Variants in BABAM2 observed in about 807,000 individuals in gnomAD.
BABAM2 encodes BRISC and BRCA1-A complex member 2.
Under a neutral mutation model 54.7 loss-of-function variants are expected in BABAM2, and 31 were observed. The observed-to-expected ratio is 0.57, with a 90% CI of 0.43 to 0.77. The LOEUF is 0.77. Ranked by LOEUF, BABAM2 falls within the 30% of genes least tolerant of loss-of-function variation. BABAM2 has a pLI of 0.00. For synonymous variants in BABAM2, 167 were observed against 162.9 expected (o/e 1.03, Z -0.19); for missense variants, 364 against 455.8 (o/e 0.80, Z 1.83).
At chr2:28,052,987 TGAA>T in intron 6 of BABAM2, among the ~76,000 whole-genome samples, 1 of 152,324 alleles carries the variant, frequency 6.6e-6, no homozygotes, top group South Asian at 2.1e-4. Context: ...TGGAAATGCT[TGAA>T]GCCCATTTAG....
At chr2:28,007,158 G>A (rs1674037529) in intron 4 of BABAM2, among the ~76,000 whole-genome samples, 1 of 151,830 alleles carries the variant, frequency 6.6e-6, no homozygotes, top group Non-Finnish European at 1.5e-5. Context: ...CCAAAGTAAT[G>A]TTTGTTACCA....
At chr2:28,277,926 C>G (rs1215724979) in intron 10 of BABAM2, among the ~76,000 whole-genome samples, 2 of 152,180 alleles carry the variant, frequency 1.3e-5, no homozygotes, top group Non-Finnish European at 2.9e-5. Flanking sequence ...TAGAAACCCC[C>G]TCAGAAGGGT....
chr2:27,933,980 TA>T (rs56954753), intron 3 of BABAM2, among the ~76,000 whole-genome samples: 11,168 of 152,016 alleles, frequency 0.073, 683 homozygotes, highest in African/African-American at 0.16. Context: ...GTCCCTGATA[TA>T]AAAGGGCATA....
intron 2 of BABAM2, among the ~76,000 whole-genome samples, chr2:27,915,749 T>A (rs1008579852): frequency 5.3e-5 from 8 of 152,192 alleles, no homozygotes; most frequent in Non-Finnish European, 1.2e-4. Context: ...CTTCAGAATC[T>A]ATTAATTCTT....
At chr2:28,133,954 C>T (rs1350704612) in intron 7 of BABAM2, among the ~76,000 whole-genome samples, 1 of 152,068 alleles carries the variant, frequency 6.6e-6, no homozygotes, top group Non-Finnish European at 1.5e-5. Flanking sequence ...GCAGCCCTGC[C>T]GCACGTGGCT....
intron 3 of BABAM2, among the ~76,000 whole-genome samples, chr2:27,946,171 T>A (rs187091852): frequency 2.0e-5 from 3 of 152,332 alleles, no homozygotes; most frequent in Non-Finnish European, 4.4e-5. Flanking sequence ...TGCCTTTTTA[T>A]CAATCTAAGG....
At chr2:28,258,765 G>A (rs7587514) in intron 10 of BABAM2, among the ~76,000 whole-genome samples, 19,207 of 150,848 alleles carry the variant, frequency 0.13, 1,434 homozygotes, top group African/African-American at 0.21. Flanking sequence ...AGCATGCACC[G>A]CCATGCCTGG....
chr2:28,048,834 T>G (rs1677796986), intron 6 of BABAM2, among the ~76,000 whole-genome samples: 1 of 152,214 alleles, frequency 6.6e-6, no homozygotes, highest in African/African-American at 2.4e-5. Flanking sequence ...TTACATACTT[T>G]CTCTTAACGA....
intron 4 of BABAM2, 75 bp downstream of exon 4, chr2:27,988,162 A>G (rs1672535064): frequency 5.0e-6 from 7 of 1,389,074 alleles, no homozygotes; most frequent in Non-Finnish European, 7.1e-6. Context: ...GCAGTTGCTT[A>G]ACAGATAGAT....
chr2:27,894,769 A>C (rs553641482), intron 2 of BABAM2, 85 bp downstream of exon 2: 77 of 1,522,770 alleles, frequency 5.1e-5, no homozygotes, highest in Non-Finnish European at 6.2e-5. Flanking sequence ...AGACTCATAA[A>C]AATTGACTGC....
intron 6 of BABAM2, among the ~76,000 whole-genome samples, chr2:28,067,816 G>C (rs987294845): frequency 2.0e-5 from 3 of 152,216 alleles, no homozygotes; most frequent in Non-Finnish European, 4.4e-5. Flanking sequence ...CAGATGCTGG[G>C]AAGAGTTGAA....
At chr2:27,908,381 C>G (rs1666338675) in intron 2 of BABAM2, among the ~76,000 whole-genome samples, 1 of 152,118 alleles carries the variant, frequency 6.6e-6, no homozygotes, top group Admixed American at 6.5e-5. Flanking sequence ...AAGCAATCCT[C>G]TCACATCAAG....
chr2:28,219,805 G>A (rs535510537), intron 7 of BABAM2, among the ~76,000 whole-genome samples: 1 of 152,324 alleles, frequency 6.6e-6, no homozygotes, highest in South Asian at 2.1e-4. Context: ...AATAGTGCTT[G>A]AAGGTTGCTT....
chr2:28,005,520 T>G (rs1294956695), intron 4 of BABAM2, among the ~76,000 whole-genome samples: 3 of 152,254 alleles, frequency 2.0e-5, no homozygotes, highest in East Asian at 3.9e-4. Context: ...GTTTGTAACA[T>G]TTAGAATAAA....
intron 2 of BABAM2, among the ~76,000 whole-genome samples, chr2:27,910,103 T>G (rs1666469958): frequency 6.6e-6 from 1 of 152,246 alleles, no homozygotes; most frequent in Admixed American, 6.5e-5. Flanking sequence ...TCAGAATCTG[T>G]CCTATTGCCA....
At chr2:28,128,899 T>G (rs1669800806) in intron 6 of BABAM2, among the ~76,000 whole-genome samples, 1 of 152,066 alleles carries the variant, frequency 6.6e-6, no homozygotes, top group Non-Finnish European at 1.5e-5. Flanking sequence ...TTACTGGATA[T>G]TTTAATGTTT....
At chr2:28,095,001 C>T (rs551361164) in intron 6 of BABAM2, among the ~76,000 whole-genome samples, 5 of 151,210 alleles carry the variant, frequency 3.3e-5, no homozygotes, top group Non-Finnish European at 7.4e-5. Flanking sequence ...TTTATGATAG[C>T]CAGTCTTTGG....
chr2:27,924,221 T>C (rs1667520457), intron 2 of BABAM2, among the ~76,000 whole-genome samples: 2 of 152,154 alleles, frequency 1.3e-5, no homozygotes, highest in African/African-American at 2.4e-5. Flanking sequence ...AAAGATCACT[T>C]ACTTGAAGTG....
At chr2:28,106,486 CA>C (rs1667537009) in intron 6 of BABAM2, among the ~76,000 whole-genome samples, 1 of 152,200 alleles carries the variant, frequency 6.6e-6, no homozygotes, top group Admixed American at 6.5e-5. Context: ...TTGACATTTA[CA>C]ACATTTTTGA....
Sources: allele counts gnomAD v4.1 joint callset (sites outside exome capture counted in the v4.1 genomes callset), GRCh38; gene constraint gnomAD v4.1.1; transcripts MANE v1.5; gene names NCBI Gene and HGNC (gene_info 2026-07-23, HGNC 2026-07-21).